Variants in ZNF407 observed in about 807,000 individuals in gnomAD.
The protein encoded by ZNF407 is zinc finger protein 407.
In ZNF407, 17 loss-of-function variants were observed where a neutral mutation model predicts 131.2. That is an observed-to-expected ratio of 0.13 (90% CI 0.09 to 0.19). The LOEUF (loss-of-function observed/expected upper bound fraction) is 0.19, where lower values mean the gene tolerates loss of function less well. Among genes scored for constraint, ZNF407 ranks in the 10% least tolerant of loss-of-function variants. The probability of loss-of-function intolerance (pLI) is 1.00; values close to 1 mark genes in which losing one functional copy is unlikely to be tolerated. For synonymous variants in ZNF407, 1,156 were observed against 1,062.0 expected (o/e 1.09, Z -1.72); for missense variants, 2,681 against 2,830.6 (o/e 0.95, Z 1.20).
chr18:75,046,298 C>T (rs1418634654), intron 8 of ZNF407, among the ~76,000 whole-genome samples: 7 of 152,058 alleles, frequency 4.6e-5, no homozygotes, highest in Non-Finnish European at 8.8e-5. Flanking sequence ...CTGCCCAGCC[C>T]GTCTCTAAAG....
At chr18:74,614,263 G>A (rs1490704641) in intron 1 of ZNF407, among the ~76,000 whole-genome samples, 3 of 151,966 alleles carry the variant, frequency 2.0e-5, no homozygotes, top group Non-Finnish European at 4.4e-5. Flanking sequence ...GAATCTTCAG[G>A]GTACAAAATC....
At chr18:74,642,556 G>A (rs1984771926) in intron 3 of ZNF407, among the ~76,000 whole-genome samples, 1 of 152,000 alleles carries the variant, frequency 6.6e-6, no homozygotes, top group South Asian at 2.1e-4. Context: ...GGGTTACTAA[G>A]ACCCTAGAAA....
intron 3 of ZNF407, among the ~76,000 whole-genome samples, chr18:74,706,880 A>G (rs997360659): frequency 2.4e-4 from 36 of 149,908 alleles, no homozygotes; most frequent in Non-Finnish European, 4.6e-4. Context: ...GTTTCTTCTT[A>G]TGCACTTTAT....
chr18:74,722,261 A>G (rs560882836), intron 3 of ZNF407, among the ~76,000 whole-genome samples: 2 of 151,388 alleles, frequency 1.3e-5, no homozygotes, highest in Middle Eastern at 3.4e-3. Context: ...AATGCTTTAG[A>G]TTTTTCCATA....
intron 8 of ZNF407, among the ~76,000 whole-genome samples, chr18:74,924,155 T>C (rs181977099): frequency 2.2e-4 from 34 of 152,320 alleles, no homozygotes; most frequent in African/African-American, 7.7e-4. Context: ...AAAACAACTC[T>C]ATGATCTTAG....
intron 3 of ZNF407, among the ~76,000 whole-genome samples, chr18:74,667,909 T>C (rs958048126): frequency 6.6e-6 from 1 of 152,238 alleles, no homozygotes; most frequent in African/African-American, 2.4e-5. Context: ...TGAAAGATTT[T>C]TTTTTTACCT....
intron 8 of ZNF407, among the ~76,000 whole-genome samples, chr18:75,026,738 C>T (rs868525977): frequency 2.0e-5 from 3 of 152,196 alleles, no homozygotes; most frequent in African/African-American, 7.2e-5. Context: ...GCCACATGCA[C>T]ACCTCACTAA....
At chr18:74,601,932 C>T (rs1473024734) in intron 1 of ZNF407, among the ~76,000 whole-genome samples, 1 of 152,142 alleles carries the variant, frequency 6.6e-6, no homozygotes, top group Non-Finnish European at 1.5e-5. Context: ...AAAACATGTC[C>T]CTATACAATA....
At chr18:75,013,133 G>A (rs1426832410) in intron 8 of ZNF407, among the ~76,000 whole-genome samples, 1 of 152,048 alleles carries the variant, frequency 6.6e-6, no homozygotes, top group African/African-American at 2.4e-5. Context: ...TCATTTTGCT[G>A]TGCTGCAGAT....
chr18:75,009,762 G>A (rs959818005), intron 8 of ZNF407, among the ~76,000 whole-genome samples: 5 of 152,138 alleles, frequency 3.3e-5, no homozygotes, highest in African/African-American at 1.2e-4. Context: ...CAAGATAAAA[G>A]TTACAGAGCC....
At chr18:74,728,009 C>T (rs537780164) in intron 3 of ZNF407, among the ~76,000 whole-genome samples, 40 of 152,166 alleles carry the variant, frequency 2.6e-4, no homozygotes, top group African/African-American at 6.7e-4. Context: ...CCTCTCCTAC[C>T]GCAGCCTTCC....
chr18:74,825,650 G>T (rs541538177), intron 4 of ZNF407, among the ~76,000 whole-genome samples: 1 of 152,128 alleles, frequency 6.6e-6, no homozygotes, highest in Non-Finnish European at 1.5e-5. Flanking sequence ...CCGGGTTGTG[G>T]CTCTGTGTGT....
At chr18:74,809,668 C>A (rs565058855) in intron 4 of ZNF407, among the ~76,000 whole-genome samples, 16 of 152,162 alleles carry the variant, frequency 1.1e-4, no homozygotes, top group Non-Finnish European at 2.1e-4. Flanking sequence ...ATCGATAATA[C>A]AAAAGATTAT....
chr18:74,689,392 A>G (rs1967168763), intron 3 of ZNF407, among the ~76,000 whole-genome samples: 1 of 152,200 alleles, frequency 6.6e-6, no homozygotes, highest in African/African-American at 2.4e-5. Context: ...GTTTGAGAGT[A>G]CATTCTTGTT....
At chr18:74,868,179 A>C (rs1419041381) in intron 4 of ZNF407, among the ~76,000 whole-genome samples, 1 of 152,172 alleles carries the variant, frequency 6.6e-6, no homozygotes, top group African/African-American at 2.4e-5. Flanking sequence ...ATTTTGTATC[A>C]TGTGTAGGTA....
intron 3 of ZNF407, among the ~76,000 whole-genome samples, chr18:74,769,759 T>C (rs1044021377): frequency 1.4e-4 from 21 of 152,204 alleles, no homozygotes; most frequent in Non-Finnish European, 2.8e-4. Context: ...GACTGGAGCA[T>C]TTTTCACTGA....
At chr18:74,676,642 G>C (rs558722433) in intron 3 of ZNF407, among the ~76,000 whole-genome samples, 6 of 151,762 alleles carry the variant, frequency 4.0e-5, no homozygotes, top group Non-Finnish European at 8.8e-5. Context: ...CACCGTGTTA[G>C]CCAGGATGGT....
At chr18:74,940,562 A>G (rs1972085565) in intron 8 of ZNF407, among the ~76,000 whole-genome samples, 1 of 152,172 alleles carries the variant, frequency 6.6e-6, no homozygotes, top group African/African-American at 2.4e-5. Context: ...TTTTGAACCA[A>G]GAAGAAGGGG....
At chr18:74,823,117 A>G (rs772955699) in intron 4 of ZNF407, among the ~76,000 whole-genome samples, 1 of 152,190 alleles carries the variant, frequency 6.6e-6, no homozygotes, top group Non-Finnish European at 1.5e-5. Context: ...ACTAAGCTAC[A>G]TAAGCGAAGG....
Sources: allele counts gnomAD v4.1 joint callset (sites outside exome capture counted in the v4.1 genomes callset), GRCh38; gene constraint gnomAD v4.1.1; transcripts MANE v1.5; gene names NCBI Gene and HGNC (gene_info 2026-07-23, HGNC 2026-07-21).